The following TMCC1 variants were observed in gnomAD, a reference collection of about 807,000 sequenced individuals.
TMCC1 encodes transmembrane and coiled-coil domain family 1, also known as transmembrane and coiled-coil domains protein 1.
Under a neutral mutation model 52.4 loss-of-function variants are expected in TMCC1, and 15 were observed. The ratio of observed to expected loss-of-function variants is 0.29; its 90% confidence interval spans 0.19 to 0.44. The LOEUF (loss-of-function observed/expected upper bound fraction) is 0.44, where lower values mean the gene tolerates loss of function less well. Among genes scored for constraint, TMCC1 ranks in the 20% least tolerant of loss-of-function variants. The pLI, the probability that TMCC1 is intolerant of heterozygous loss-of-function variation, is 1.00. For missense variants in TMCC1, 503 were observed against 806.0 expected (o/e 0.62, Z 4.55); for synonymous variants, 279 against 301.9 (o/e 0.92, Z 0.79).
chr3:129,669,353 G>A (rs2087726995), intron 5 of TMCC1, among the ~76,000 whole-genome samples: 2 of 152,176 alleles, frequency 1.3e-5, no homozygotes, highest in African/African-American at 4.8e-5. Context: ...TTGACCTGTA[G>A]CTCCCATAAG....
intron 2 of TMCC1, among the ~76,000 whole-genome samples, chr3:129,836,135 G>A (rs1455148509): frequency 1.3e-5 from 2 of 152,012 alleles, no homozygotes; most frequent in Non-Finnish European, 2.9e-5. Context: ...ACCTATAAAG[G>A]TATAATTTAT....
chr3:129,677,934 T>TA (rs1186755438), intron 4 of TMCC1, among the ~76,000 whole-genome samples: 2 of 152,370 alleles, frequency 1.3e-5, no homozygotes, highest in East Asian at 3.9e-4. Context: ...GTTCATTTTT[T>TA]ATTTGTTTTT....
At chr3:129,776,343 G>C (rs183866812) in intron 4 of TMCC1, among the ~76,000 whole-genome samples, 110 of 152,248 alleles carry the variant, frequency 7.2e-4, no homozygotes, top group Admixed American at 4.3e-3. Flanking sequence ...ATAAATAAGT[G>C]AATAAAATGT....
chr3:129,699,483 AC>A (rs2047655206), intron 4 of TMCC1, among the ~76,000 whole-genome samples: 1 of 152,132 alleles, frequency 6.6e-6, no homozygotes, highest in Non-Finnish European at 1.5e-5. Flanking sequence ...TTAGTATTCC[AC>A]CCCTTGTTTC....
chr3:129,887,720 G>GATCA (rs2061781087), intron 1 of TMCC1, among the ~76,000 whole-genome samples: 1 of 152,058 alleles, frequency 6.6e-6, no homozygotes. Flanking sequence ...ACAGTTAAAA[G>GATCA]ATCAGTGAGG....
chr3:129,717,211 T>A (rs1177433400), intron 4 of TMCC1, among the ~76,000 whole-genome samples: 1 of 152,186 alleles, frequency 6.6e-6, no homozygotes, highest in Admixed American at 6.5e-5. Context: ...ATCTCATCGG[T>A]CTACTAAAAA....
intron 4 of TMCC1, among the ~76,000 whole-genome samples, chr3:129,761,910 G>T (rs2053628659): frequency 7.0e-6 from 1 of 143,382 alleles, no homozygotes; most frequent in South Asian, 2.3e-4. Context: ...AGAATCTCTT[G>T]AACCTGGGAG....
chr3:129,658,662 G>A (rs2086825764), intron 5 of TMCC1, among the ~76,000 whole-genome samples: 1 of 152,196 alleles, frequency 6.6e-6, no homozygotes, highest in Non-Finnish European at 1.5e-5. Flanking sequence ...AGGCAAGAAA[G>A]AGGTGAAACA....
At chr3:129,736,682 C>T (rs2050998406) in intron 4 of TMCC1, among the ~76,000 whole-genome samples, 2 of 151,850 alleles carry the variant, frequency 1.3e-5, no homozygotes, top group Non-Finnish European at 2.9e-5. Flanking sequence ...CCACCACGCC[C>T]AGCTAATTTT....
chr3:129,890,056 C>A (rs1668968146), intron 1 of TMCC1, among the ~76,000 whole-genome samples: 1 of 152,018 alleles, frequency 6.6e-6, no homozygotes, highest in African/African-American at 2.4e-5. Flanking sequence ...GAGGCCAAGG[C>A]AAGGGGGATC....
At chr3:129,876,286 CAA>C (rs61167884) in intron 2 of TMCC1, among the ~76,000 whole-genome samples, 12 of 91,032 alleles carry the variant, frequency 1.3e-4, no homozygotes, top group Non-Finnish European at 1.3e-4. Context: ...ATGCCTGGCT[CAA>C]AAAAAAAAAA....
intron 4 of TMCC1, among the ~76,000 whole-genome samples, chr3:129,775,110 G>A (rs1043182045): frequency 6.6e-6 from 1 of 152,074 alleles, no homozygotes; most frequent in Non-Finnish European, 1.5e-5. Context: ...TTAGAAAGTA[G>A]AATCAATGAC....
At chr3:129,782,130 G>C (rs2107727571) in intron 4 of TMCC1, among the ~76,000 whole-genome samples, 1 of 152,234 alleles carries the variant, frequency 6.6e-6, no homozygotes, top group South Asian at 2.1e-4. Context: ...ATGTCAAACA[G>C]GCAGCTGAGT....
In TMCC1 at chr3:129,719,034, G is replaced by A. The variant is rs540568329; in HGVS notation, c.577-47770C>T. Among the ~76,000 whole-genome samples the A allele has an allele frequency of 3.9e-5, 6 of 152,192 alleles. No individual in the cohort carries two copies. In the South Asian group the frequency reaches 1.2e-3, roughly 32 times the overall value. ...TGGCATACAACTACTAAAATCCTTG[G>A]AATCTCCAAAGTGATGTGTCTTTTT... On this transcript the variant is annotated intron_variant, in intron 4 of 6. Coordinates refer to ENST00000393238, the MANE Select transcript of TMCC1 (RefSeq NM_001017395.5).
At chr3:129,732,800 C>A (rs2050643844) in intron 4 of TMCC1, among the ~76,000 whole-genome samples, 1 of 152,116 alleles carries the variant, frequency 6.6e-6, no homozygotes. Flanking sequence ...GCTGTCACTG[C>A]AGGACTGCTT....
In TMCC1 at chr3:129,654,991, A is replaced by G; in HGVS notation, c.1624T>C (p.Tyr542His). ...SMEEKIAYQS[Y>H]ERARDIQEAL... Reference sequence around the variant, plus strand: ...ACCTGGATGTCCCGGGCCCGTTCATAGGACTGATACGCGATTTTTTCTTCC... The same window carrying G: ...ACCTGGATGTCCCGGGCCCGTTCATGGGACTGATACGCGATTTTTTCTTCC... Residue 542 changes from tyrosine to histidine, a missense_variant, in exon 6 of 7, where the codon TAT becomes CAT. This residue lies in a region of TMCC1 where 121 missense variants were observed against 193.6 expected (regional missense o/e 0.62). Coordinates refer to ENST00000393238, the MANE Select transcript of TMCC1 (RefSeq NM_001017395.5). The G allele has an allele frequency of 6.2e-7, 1 of 1,613,998 alleles. No homozygotes were observed. The highest frequency in any genetic ancestry group is 8.5e-7 in the Non-Finnish European group (1 of 1,180,012).
At chr3:129,718,428 TATCTCAGTAAAA>T (rs1236863297) in intron 4 of TMCC1, among the ~76,000 whole-genome samples, 20 of 152,344 alleles carry the variant, frequency 1.3e-4, no homozygotes, top group African/African-American at 4.6e-4. Context: ...GTAAACTGCA[TATCTCAGTAAAA>T]AGCGATCTCT....
At chr3:129,755,792 T>C (rs573237192) in intron 4 of TMCC1, among the ~76,000 whole-genome samples, 2 of 152,334 alleles carry the variant, frequency 1.3e-5, no homozygotes, top group South Asian at 4.1e-4. Context: ...GAATACAAAA[T>C]GGCACATTCA....
rs199572601 is a variant in TMCC1, at chr3:129,853,791, A to AAAAAC, written c.-183-20970_-183-20966dup. 5.5e-3 allele frequency among the ~76,000 whole-genome samples: 842 copies of AAAAAC among 152,228 alleles called. 10 individuals carry two copies. The highest frequency in any genetic ancestry group is 0.019 in the African/African-American group (789 of 41,508). The stretch of plus-strand genomic sequence containing the variant: ...AACCTAAATCATGATCTTCCCCCAA[A>AAAAAC]AAAACAAAACAAAACAAAACAAAAC... On this transcript the variant is annotated intron_variant, in intron 2 of 6. Coordinates refer to ENST00000393238, the MANE Select transcript of TMCC1 (RefSeq NM_001017395.5).
Sources: gnomAD v4.1 joint callset for allele counts (sites outside exome capture counted in the v4.1 genomes callset) on GRCh38, gnomAD v4.1.1 for gene constraint, gnomAD v4.1.1 regional missense constraint, MANE v1.5 for transcripts, NCBI Gene and HGNC (gene_info 2026-07-23, HGNC 2026-07-21) for gene names.